SAMD11: variants seen among roughly 807,000 people sequenced by gnomAD.
SAMD11 encodes the protein sterile alpha motif domain-containing protein 11.
SAMD11 carries 77 observed loss-of-function variants against 64.4 expected under a neutral mutation model. That is an observed-to-expected ratio of 1.20 (90% CI 0.99 to 1.44). SAMD11 has a LOEUF of 1.44. Ranked by LOEUF, SAMD11 falls within the 40% of genes most tolerant of loss-of-function variation. The pLI is 0.00. For synonymous variants in SAMD11, 658 were observed against 421.9 expected, an observed-to-expected ratio of 1.56 and a Z score of -6.86; for missense variants, 1,402 against 943.3, an observed-to-expected ratio of 1.49 and a Z score of -6.37.
intron 2 of SAMD11, 131 bp from the exon 3 acceptor site, chr1:930,024 G>A (rs1431657897): frequency 9.0e-7 from 1 of 1,105,260 alleles, no homozygotes; most frequent in African/African-American, 1.6e-5. Flanking sequence ...CGTGCTTGGG[G>A]CTCGGCCTGG....
intron 7 of SAMD11, among the ~76,000 whole-genome samples, chr1:939,807 CT>C (rs1310902084): frequency 6.6e-6 from 1 of 151,632 alleles, no homozygotes; most frequent in Admixed American, 6.6e-5. Context: ...TGCCAGACGC[CT>C]GCCCCAGGAG....
chr1:928,265 G>A lies in SAMD11; in HGVS notation c.610-1890G>A, dbSNP rs540231983. ...AAATTAGCCGGGCGTGGTGGCGGGT[G>A]CCTGTAGTCCCAGCTACTTGGGAGG... On this transcript the variant is annotated intron_variant, in intron 2 of 13. Coordinates refer to ENST00000616016, the MANE Select transcript of SAMD11 (RefSeq NM_001385641.1). Among the ~76,000 whole-genome samples, 438 of 152,338 alleles carry A rather than the reference G, an allele frequency of 2.9e-3. 1 individual carries two copies. The highest frequency in any genetic ancestry group is 7.6e-3 in the African/African-American group (315 of 41,580).
In SAMD11 at chr1:930,249, G is replaced by A. The variant is rs1641107597; in HGVS notation, c.704G>A (p.Gly235Asp). ...ERTPSFSASDGDSDGSGPTCG... is the reference protein window; with the variant it reads ...ERTPSFSASDDDSDGSGPTCG... ...ACTCCCAGCTTCTCTGCCAGCGATG[G>A]TGACAGCGACGGGAGTGGCCCCACC... The change falls in exon 3 of 14, where the codon GGT becomes GAT. Residue 235 changes from glycine to aspartate, a missense_variant. Coordinates refer to ENST00000616016, the MANE Select transcript of SAMD11 (RefSeq NM_001385641.1). 2 of 1,605,174 alleles carry A rather than the reference G, an allele frequency of 1.2e-6. No individual in the cohort carries two copies. Among genetic ancestry groups the A allele is most frequent in the African/African-American group, 1.3e-5 (1 of 74,816 alleles).
At chr1:933,108 G>A (rs1281827205) in intron 4 of SAMD11, among the ~76,000 whole-genome samples, 3 of 152,236 alleles carry the variant, frequency 2.0e-5, no homozygotes, top group Non-Finnish European at 4.4e-5. Context: ...CCCCACCACA[G>A]AGACTCTCAG....
Position 939,126 on chromosome 1 carries a change from C to G in SAMD11, c.1054C>G (p.Gln352Glu), listed in dbSNP as rs147606270. ...SEKRARSESP[Q>E]EALLLPRELG... ...GAAGAGGGCACGAAGCGAATCGCCT[C>G]AAGGTAAGAGCGTGGCTGGGACGAG... Residue 352 changes from glutamine to glutamate, a missense_variant, in exon 6 of 14, where the codon CAA becomes GAA. Physicochemically the swap from Gln to Glu is conservative, Grantham distance 29 (BLOSUM62 2). Coordinates refer to ENST00000616016, the MANE Select transcript of SAMD11 (RefSeq NM_001385641.1). 10 of 1,589,716 alleles carry G rather than the reference C, an allele frequency of 6.3e-6. No homozygotes were observed. The highest frequency in any genetic ancestry group is 8.6e-6 in the Non-Finnish European group (10 of 1,167,962).
rs766943266 is a variant in SAMD11 at position 943,821 on chromosome 1, G to A, written c.2289+13G>A. The stretch of plus-strand genomic sequence containing the variant: ...GATCCGGGCCCAGGTGAGACGCTGG[G>A]GAGTGAGGTCAGGGTCTCCAGACCA... On this transcript the variant is annotated intron_variant, in intron 13 of 13. Coordinates refer to ENST00000616016, the MANE Select transcript of SAMD11 (RefSeq NM_001385641.1). 6 of 1,612,818 alleles carry A rather than the reference G, an allele frequency of 3.7e-6. No homozygotes were observed. The highest frequency in any genetic ancestry group is 1.7e-4 in the Middle Eastern group (1 of 6,018).
At position 924,158 on chromosome 1, in the gene SAMD11, C is replaced by G. The variant is rs920555590; in HGVS notation, c.-274C>G. The G allele has an allele frequency of 6.7e-6, 1 of 149,674 alleles. No homozygotes were observed. The highest frequency in any genetic ancestry group is 1.5e-5 in the Non-Finnish European group (1 of 67,024). The allele number at this position is 149,674 out of a possible 1,614,324, so 9.3% of individuals were successfully genotyped here. On this transcript the variant is annotated 5_prime_UTR_variant, in exon 1 of 14. Transcript: ENST00000616016. ...CGGGACTCCAGACGCCCCGGGGAGC[C>G]CCGAGGCCCTGGAACTGCGGCGCTC...
At chr1:931,587 A>T (rs769297203) in intron 4 of SAMD11, among the ~76,000 whole-genome samples, 1 of 152,196 alleles carries the variant, frequency 6.6e-6, no homozygotes, top group South Asian at 2.1e-4. Flanking sequence ...TGAACCTGGC[A>T]GCTCTGGTTC....
At chr1:935,643 G>A in intron 4 of SAMD11, 129 bp from the exon 5 acceptor site, 1 of 1,277,358 alleles carries the variant, frequency 7.8e-7, no homozygotes, top group South Asian at 1.3e-5. Context: ...CCGAGGCGTG[G>A]GCACAGCAAC....
At chr1:929,963 G>T (rs908928993) in intron 2 of SAMD11, among the ~76,000 whole-genome samples, 192 bp from the exon 3 acceptor site, 1 of 152,174 alleles carries the variant, frequency 6.6e-6, no homozygotes, top group Non-Finnish European at 1.5e-5. Flanking sequence ...GGCCCCAGGC[G>T]CATCCCAGAG....
chr1:943,655 G>T, intron 12 of SAMD11, 43 bp from the exon 13 acceptor site: 1 of 1,485,744 alleles, frequency 6.7e-7, no homozygotes, highest in South Asian at 1.4e-5. Context: ...CTGGAGGATG[G>T]AGCAGCACCC....
At chr1:931,186 A>G in intron 4 of SAMD11, 97 bp downstream of exon 4, 21 of 1,063,468 alleles carry the variant, frequency 2.0e-5, no homozygotes, top group Non-Finnish European at 2.9e-5. Context: ...CCGCTGTCTC[A>G]GCGTGAGCTG....
chr1:942,904 C>A lies in SAMD11; in HGVS notation c.1899C>A (p.Asp633Glu), dbSNP rs1200507750. 2 of 1,555,814 alleles carry A rather than the reference C, an allele frequency of 1.3e-6. No homozygotes were observed. The highest frequency in any genetic ancestry group is 1.4e-5 in the African/African-American group (1 of 73,662). Residue 633 changes from aspartate (D) to glutamate (E), a missense_variant, in exon 11 of 14, where the codon GAC (aspartate) becomes GAA (glutamate). Asp to Glu is a conservative substitution (Grantham distance 45, BLOSUM62 2). Coordinates refer to ENST00000616016, the MANE Select transcript of SAMD11 (RefSeq NM_001385641.1). Reference protein sequence around the residue: ...GSEDEPPKDSDGEDPETAAVG... With the variant: ...GSEDEPPKDSEGEDPETAAVG... ...AAGACGAGCCCCCCAAAGACTCGGA[C>A]GGAGAGGACCCCGAGACGGCAGCTG...
At chr1:935,917 G>C in intron 5 of SAMD11, 21 bp downstream of exon 5, 1 of 1,609,944 alleles carries the variant, frequency 6.2e-7, no homozygotes, top group South Asian at 1.1e-5. Context: ...CAGGGGGCCT[G>C]AGGGCGGGGT....
At chr1:932,710 C>T (rs1641227417) in intron 4 of SAMD11, among the ~76,000 whole-genome samples, 1 of 152,224 alleles carries the variant, frequency 6.6e-6, no homozygotes, top group Non-Finnish European at 1.5e-5. Flanking sequence ...TGCTCCCGTC[C>T]AGTGGTCTCC....
chr1:943,686 TCCCC>T lies in SAMD11; in HGVS notation c.2179-10_2179-7del, dbSNP rs539654690. 3 of 1,037,400 alleles carry T rather than the reference TCCCC, an allele frequency of 2.9e-6. No homozygotes were observed. The highest frequency in any genetic ancestry group is 3.9e-4 in the Middle Eastern group (1 of 2,570). The allele number at this position is 1,037,400 out of a possible 1,614,324, so 64.3% of individuals were successfully genotyped here. On this transcript the variant is annotated splice_region_variant and splice_polypyrimidine_tract_variant and intron_variant, in intron 12 of 13. Coordinates refer to ENST00000616016, the MANE Select transcript of SAMD11 (RefSeq NM_001385641.1). ...CACCCGGGTCCTGACCCTCCCTCCC[TCCCC>T]CTTCCAGGTCTTCAGGGAGCAGGGG...
At chr1:933,389 C>A (rs1167752508) in intron 4 of SAMD11, among the ~76,000 whole-genome samples, 1 of 152,164 alleles carries the variant, frequency 6.6e-6, no homozygotes, top group African/African-American at 2.4e-5. Context: ...ACCCAGCTCC[C>A]CACCAGGTGC....
In SAMD11 at chr1:942,718, G is replaced by A; in HGVS notation, c.1713G>A (p.Leu571=). ...TGAACCACGGCGCGGCGCCACTGCTGGCCCTGCCCCCCCAGGGGCCCCCGG... is the reference window on the plus strand; with the variant it reads ...TGAACCACGGCGCGGCGCCACTGCTAGCCCTGCCCCCCCAGGGGCCCCCGG... ...LVLNHGAAPL[L]ALPPQGPPGS... is the part of the protein sequence containing the mutation. The change falls in exon 11 of 14, where the codon CTG becomes CTA. Residue 571 remains leucine (L), a synonymous_variant. Transcript: ENST00000616016. 2 of 1,458,124 alleles carry A rather than the reference G, an allele frequency of 1.4e-6. No individual in the cohort carries two copies. The highest frequency in any genetic ancestry group is 1.4e-5 in the South Asian group (1 of 71,996). 90.3% of individuals were successfully genotyped at this position (1,458,124 alleles called of 1,614,324 possible).
At chr1:937,457 C>T (rs981322089) in intron 5 of SAMD11, among the ~76,000 whole-genome samples, 7 of 142,036 alleles carry the variant, frequency 4.9e-5, no homozygotes, top group African/African-American at 1.6e-4. Context: ...CCCCACAGAA[C>T]GGAGAGGGTA....
Sources: gnomAD v4.1 joint callset for allele counts (sites outside exome capture counted in the v4.1 genomes callset) on GRCh38, gnomAD v4.1.1 for gene constraint, MANE v1.5 for transcripts, NCBI Gene and HGNC (gene_info 2026-07-23, HGNC 2026-07-21) for gene names.